DPYD: variants seen among roughly 807,000 people sequenced by gnomAD.
DPYD encodes the protein dihydropyrimidine dehydrogenase.
In DPYD, 109 loss-of-function variants were observed where a neutral mutation model predicts 116.2. The observed-to-expected ratio is 0.94, with a 90% CI of 0.80 to 1.10. The LOEUF is 1.10. Ranked by LOEUF, DPYD falls within the 50% of genes least tolerant of loss-of-function variation. The pLI is 0.00. For synonymous variants in DPYD, 440 were observed against 432.0 expected (o/e 1.02, Z -0.23); for missense variants, 1,302 against 1,254.5 (o/e 1.04, Z -0.57).
chr1:97,499,741 T>C (rs1049112996), intron 13 of DPYD, among the ~76,000 whole-genome samples: 3 of 151,958 alleles, frequency 2.0e-5, no homozygotes, highest in Non-Finnish European at 4.4e-5. Context: ...GGCCTTCTTA[T>C]CTCATTACAA....
intron 16 of DPYD, among the ~76,000 whole-genome samples, chr1:97,326,915 CATG>C (rs1668735572): frequency 6.6e-6 from 1 of 151,902 alleles, no homozygotes; most frequent in Non-Finnish European, 1.5e-5. Flanking sequence ...GAACTAATGA[CATG>C]ATGAAAGAGA....
At chr1:97,906,371 C>T (rs1558045186) in intron 1 of DPYD, among the ~76,000 whole-genome samples, 1 of 151,988 alleles carries the variant, frequency 6.6e-6, no homozygotes. Context: ...TCCCCAAGTA[C>T]TTATGACTTT....
intron 3 of DPYD, among the ~76,000 whole-genome samples, chr1:97,816,228 AT>A (rs1167695896): frequency 6.6e-6 from 1 of 151,572 alleles, no homozygotes; most frequent in African/African-American, 2.4e-5. Flanking sequence ...TGCCAAACAC[AT>A]TTTTTAAATG....
At chr1:97,105,760 C>T (rs1651091280) in intron 20 of DPYD, among the ~76,000 whole-genome samples, 1 of 152,054 alleles carries the variant, frequency 6.6e-6, no homozygotes, top group African/African-American at 2.4e-5. Context: ...TCTGATGTAA[C>T]CCAGATCCAA....
At chr1:97,637,642 A>G (rs985121083) in intron 8 of DPYD, among the ~76,000 whole-genome samples, 3 of 152,154 alleles carry the variant, frequency 2.0e-5, no homozygotes, top group African/African-American at 7.2e-5. Context: ...GAAAAGAGAA[A>G]GGGCAGAAAG....
In DPYD at chr1:97,193,103, T is replaced by G; in HGVS notation, c.2588A>C (p.Lys863Thr). Residue 863 changes from lysine (K) to threonine (T), a missense_variant, in exon 20 of 23, where the codon AAA (lysine) becomes ACA (threonine). Coordinates refer to ENST00000370192, the MANE Select transcript of DPYD (RefSeq NM_000110.4). ...SPATVSHQKG[K>T]PVPRIAELMD... The stretch of plus-strand genomic sequence containing the variant: ...GAGTTCAGCTATACGTGGAACTGGT[T>G]TCCCTTTCTGGTGACTCACAGTAGC... The G allele has an allele frequency of 6.2e-7, 1 of 1,614,054 alleles. No homozygotes were observed. Among genetic ancestry groups the G allele is most frequent in the Non-Finnish European group, 8.5e-7 (1 of 1,179,952 alleles).
chr1:97,082,266 C>A (rs1461164433), intron 22 of DPYD, 64 bp downstream of exon 22: 17 of 1,600,474 alleles, frequency 1.1e-5, no homozygotes, highest in Non-Finnish European at 1.3e-5. Context: ...ACAGAAAATG[C>A]TTTCTGCCGT....
intron 2 of DPYD, among the ~76,000 whole-genome samples, chr1:97,866,147 A>G (rs980668276): frequency 2.0e-5 from 3 of 152,012 alleles, no homozygotes; most frequent in African/African-American, 7.2e-5. Flanking sequence ...TTCCAAAAGT[A>G]TATCTAAAAT....
intron 19 of DPYD, among the ~76,000 whole-genome samples, chr1:97,197,561 T>C (rs749999579): frequency 6.6e-6 from 1 of 152,170 alleles, no homozygotes; most frequent in Non-Finnish European, 1.5e-5. Flanking sequence ...ATCCCTGATG[T>C]TTCCAGGAAG....
chr1:97,751,023 T>C (rs1411385070), intron 3 of DPYD, among the ~76,000 whole-genome samples: 1 of 152,088 alleles, frequency 6.6e-6, no homozygotes, highest in East Asian at 1.9e-4. Flanking sequence ...TTCATTAAGC[T>C]GAAACAATAG....
At chr1:97,507,134 T>G (rs1333097956) in intron 13 of DPYD, among the ~76,000 whole-genome samples, 1 of 152,018 alleles carries the variant, frequency 6.6e-6, no homozygotes, top group African/African-American at 2.4e-5. Flanking sequence ...ATATGTGAAC[T>G]GTAGCCATTT....
At chr1:97,137,143 G>A (rs1653870112) in intron 20 of DPYD, among the ~76,000 whole-genome samples, 1 of 152,114 alleles carries the variant, frequency 6.6e-6, no homozygotes, top group African/African-American at 2.4e-5. Flanking sequence ...GTCTTTTGTT[G>A]CTGTGGAACA....
chr1:97,475,403 C>T (rs1290115393), intron 13 of DPYD, among the ~76,000 whole-genome samples: 1 of 151,630 alleles, frequency 6.6e-6, no homozygotes, highest in African/African-American at 2.4e-5. Flanking sequence ...AAAACAGTGA[C>T]AATAAATGAA....
chr1:97,734,150 T>C (rs1663791447), intron 4 of DPYD, among the ~76,000 whole-genome samples: 1 of 152,130 alleles, frequency 6.6e-6, no homozygotes, highest in Admixed American at 6.5e-5. Context: ...CCATATTTTA[T>C]AGCTGCTTGT....
chr1:97,680,031 C>CT (rs755224634), intron 7 of DPYD, among the ~76,000 whole-genome samples: 6 of 152,092 alleles, frequency 3.9e-5, no homozygotes, highest in Admixed American at 6.5e-5. Context: ...AGAGTGGGTA[C>CT]TTACAGGGTG....
chr1:97,836,414 T>C (rs1321162773), intron 2 of DPYD, among the ~76,000 whole-genome samples: 2 of 152,194 alleles, frequency 1.3e-5, no homozygotes, highest in Non-Finnish European at 2.9e-5. Context: ...AGTTAAAATA[T>C]AGAAAAGTCT....
In DPYD at chr1:97,217,092, C is replaced by T. The variant is rs149318893; in HGVS notation, c.2442+17760G>A. Among the ~76,000 whole-genome samples, 1,049 of 151,942 alleles carry T rather than the reference C, an allele frequency of 6.9e-3. 13 individuals are homozygous for T. Among genetic ancestry groups the T allele is most frequent in the African/African-American group, 0.024 (980 of 41,410 alleles). On this transcript the variant is annotated intron_variant, in intron 19 of 22. Transcript: ENST00000370192. The stretch of plus-strand genomic sequence containing the variant: ...ACATGGTGGTGGGTGCCTGTAATCC[C>T]AAGTACTTGGGAGGCTGAGGCAGGA...
intron 3 of DPYD, among the ~76,000 whole-genome samples, chr1:97,807,586 C>G (rs1033674474): frequency 2.6e-5 from 4 of 151,822 alleles, no homozygotes; most frequent in African/African-American, 9.7e-5. Flanking sequence ...CAGTCTGTAG[C>G]TTATCTTTTC....
chr1:97,384,953 G>A (rs1395815724), intron 14 of DPYD, among the ~76,000 whole-genome samples: 3 of 152,078 alleles, frequency 2.0e-5, no homozygotes, highest in African/African-American at 7.2e-5. Flanking sequence ...TGTTCATTGA[G>A]TTTAGGATTC....
Sources: gnomAD v4.1 joint callset for allele counts (sites outside exome capture counted in the v4.1 genomes callset) on GRCh38, gnomAD v4.1.1 for gene constraint, MANE v1.5 for transcripts, NCBI Gene and HGNC (gene_info 2026-07-23, HGNC 2026-07-21) for gene names.